Variants in ACY3 observed in about 807,000 individuals in gnomAD.
The protein encoded by ACY3 is N-acyl-aromatic-L-amino acid amidohydrolase (carboxylate-forming).
ACY3 carries 20 observed loss-of-function variants against 24.6 expected under a neutral mutation model. The observed-to-expected ratio is 0.81, with a 90% CI of 0.57 to 1.18. ACY3 has a LOEUF of 1.18. Among genes scored for constraint, ACY3 ranks in the 50% most tolerant of loss-of-function variants. The pLI is 0.00. For missense variants in ACY3, 423 were observed against 426.8 expected (o/e 0.99, Z 0.08); for synonymous variants, 174 against 188.4 (o/e 0.92, Z 0.62).
At chr11:67,648,610 C>T (rs539633990) in intron 1 of ACY3, among the ~76,000 whole-genome samples, 24 of 152,240 alleles carry the variant, frequency 1.6e-4, no homozygotes, top group African/African-American at 5.8e-4. Flanking sequence ...CCTTCTTTAC[C>T]ACCACACTGG....
rs1205854225 is a variant in ACY3 at position 67,645,153 on chromosome 11, C to T, written c.527-1G>A. The T allele has an allele frequency of 6.2e-7, 1 of 1,611,338 alleles. No individual in the cohort carries two copies. Among genetic ancestry groups the T allele is most frequent in the Admixed American group, 1.7e-5 (1 of 59,714 alleles). The stretch of plus-strand genomic sequence containing the variant: ...TGTGGCTGGGGGCCCAGCTCCAGAC[C>T]TGGGGACCAGGAAGCAAGGGGTTAG... On this transcript the variant is annotated splice_acceptor_variant, in intron 5 of 7. Transcript: ENST00000255082. LOFTEE classifies it high-confidence loss of function.
At chr11:67,649,910 G>A (rs549048904) in intron 1 of ACY3, among the ~76,000 whole-genome samples, 8 of 148,948 alleles carry the variant, frequency 5.4e-5, no homozygotes, top group East Asian at 3.9e-4. Context: ...GCGTGTGTGC[G>A]TGCATGTGCG....
intron 1 of ACY3, among the ~76,000 whole-genome samples, chr11:67,648,433 A>T (rs1002934346): frequency 1.3e-5 from 2 of 152,120 alleles, no homozygotes; most frequent in African/African-American, 4.8e-5. Flanking sequence ...GGTCCCCTGC[A>T]CTCAGCCCTG....
chr11:67,643,003 G>A, intron 7 of ACY3, 64 bp from the exon 8 acceptor site: 5 of 1,488,288 alleles, frequency 3.4e-6, no homozygotes, highest in Non-Finnish European at 4.6e-6. Flanking sequence ...AGAGGGGGGT[G>A]ACCCCAGCTT....
intron 7 of ACY3, among the ~76,000 whole-genome samples, chr11:67,643,889 G>A (rs1478395301): frequency 6.6e-6 from 1 of 151,960 alleles, no homozygotes; most frequent in Non-Finnish European, 1.5e-5. Context: ...CAGCTACTGG[G>A]GAGGCTGAGT....
chr11:67,643,107 G>A (rs1174897936), intron 7 of ACY3, among the ~76,000 whole-genome samples, 168 bp from the exon 8 acceptor site: 1 of 152,256 alleles, frequency 6.6e-6, no homozygotes, highest in Non-Finnish European at 1.5e-5. Flanking sequence ...ATACCAGTCT[G>A]CTCTGTGTCT....
At position 67,644,879 on chromosome 11, in the gene ACY3, A is replaced by G; in HGVS notation, c.635-10T>C. ...GCAGGAAAGGCCGTACCTGTGTGGG[A>G]GGCTGGGTGTGTGAGCCCATCCCTC... On this transcript the variant is annotated splice_polypyrimidine_tract_variant and intron_variant, in intron 6 of 7. Coordinates refer to ENST00000255082, the MANE Select transcript of ACY3 (RefSeq NM_080658.2). The G allele has an allele frequency of 6.2e-7, 1 of 1,609,208 alleles. No homozygotes were observed. Among genetic ancestry groups the G allele is most frequent in the Middle Eastern group, 1.7e-4 (1 of 5,914 alleles).
At chr11:67,649,480 C>T (rs1387577608) in intron 1 of ACY3, among the ~76,000 whole-genome samples, 2 of 152,222 alleles carry the variant, frequency 1.3e-5, no homozygotes, top group South Asian at 2.1e-4. Context: ...TGGAACAGAA[C>T]GGGGTCCAGG....
At position 67,643,706 on chromosome 11, in the gene ACY3, T is replaced by C. The variant is rs142687490; in HGVS notation, c.745-767A>G. Reference sequence around the variant, plus strand: ...TAAATAAATAAATAAATTTTAAGCCTGGGCACAGTGGCTCATAATCTCAGT... The same window carrying C: ...TAAATAAATAAATAAATTTTAAGCCCGGGCACAGTGGCTCATAATCTCAGT... On this transcript the variant is annotated intron_variant, in intron 7 of 7. Coordinates refer to ENST00000255082, the MANE Select transcript of ACY3 (RefSeq NM_080658.2). Among the ~76,000 whole-genome samples, 68 of 151,098 alleles carry C rather than the reference T, an allele frequency of 4.5e-4. 1 individual carries two copies. The East Asian group carries it at 0.013, about 29-fold the overall frequency.
intron 7 of ACY3, 28 bp downstream of exon 7, chr11:67,644,732 C>CACA: frequency 7.6e-7 from 1 of 1,317,236 alleles, no homozygotes; most frequent in Non-Finnish European, 1.0e-6. Flanking sequence ...TCACCCCCCA[C>CACA]CACACACACA....
At chr11:67,647,981 C>T (rs1855550176) in intron 1 of ACY3, among the ~76,000 whole-genome samples, 1 of 152,212 alleles carries the variant, frequency 6.6e-6, no homozygotes, top group African/African-American at 2.4e-5. Flanking sequence ...ATGCCTCTGT[C>T]CTTGCAGCCC....
At chr11:67,646,059 G>A (rs1855512138) in intron 3 of ACY3, among the ~76,000 whole-genome samples, 172 bp from the exon 4 acceptor site, 1 of 152,206 alleles carries the variant, frequency 6.6e-6, no homozygotes, top group Admixed American at 6.5e-5. Flanking sequence ...TCTTGGCTCT[G>A]CACTTCCCGG....
At chr11:67,648,995 G>A (rs1032435197) in intron 1 of ACY3, among the ~76,000 whole-genome samples, 1 of 152,080 alleles carries the variant, frequency 6.6e-6, no homozygotes, top group Non-Finnish European at 1.5e-5. Flanking sequence ...GCCATTAGGG[G>A]GCCATGCCAT....
At position 67,644,867 on chromosome 11, in the gene ACY3, T is replaced by C; in HGVS notation, c.637A>G (p.Thr213Ala). Residue 213 changes from threonine to alanine, a missense_variant and splice_region_variant, in exon 7 of 8, where the codon ACG becomes GCG. By Grantham distance (58) the Thr-to-Ala change is moderately conservative. Transcript: ENST00000255082. ...LDFIELFNQG[T>A]AFPAFEMEAY... is the part of the protein sequence containing the mutation. ...TCCATCTCAAAGGCAGGAAAGGCCGTACCTGTGTGGGAGGCTGGGTGTGTG... is the reference window on the plus strand; with the variant it reads ...TCCATCTCAAAGGCAGGAAAGGCCGCACCTGTGTGGGAGGCTGGGTGTGTG... 1.9e-6 allele frequency: 3 copies of C among 1,606,708 alleles called. No homozygotes were observed. The highest frequency in any genetic ancestry group is 1.7e-6 in the Non-Finnish European group (2 of 1,176,838).
intron 6 of ACY3, 40 bp downstream of exon 6, chr11:67,645,005 T>C (rs1484564145): frequency 1.3e-5 from 21 of 1,606,808 alleles, no homozygotes; most frequent in Non-Finnish European, 1.5e-5. Flanking sequence ...AGACCTGCTC[T>C]TCCCCGGACC....
At chr11:67,647,190 C>G in intron 2 of ACY3, 127 bp from the exon 3 acceptor site, 2 of 642,232 alleles carry the variant, frequency 3.1e-6, no homozygotes, top group Non-Finnish European at 5.1e-6. Context: ...GGGAGTGTCT[C>G]AGCTGTGTCC....
intron 3 of ACY3, 91 bp downstream of exon 3, chr11:67,646,717 A>T (rs1855522423): frequency 1.6e-6 from 2 of 1,224,482 alleles, no homozygotes; most frequent in Non-Finnish European, 2.4e-6. Flanking sequence ...GAGTGAAGGC[A>T]GGGAGGGCCC....
intron 1 of ACY3, among the ~76,000 whole-genome samples, chr11:67,648,016 G>A (rs1855550746): frequency 6.6e-6 from 1 of 152,218 alleles, no homozygotes; most frequent in Non-Finnish European, 1.5e-5. Context: ...TCACTCCTGA[G>A]TCGCCCTTAC....
chr11:67,649,837 C>T (rs1855592205), intron 1 of ACY3, among the ~76,000 whole-genome samples: 1 of 145,830 alleles, frequency 6.9e-6, no homozygotes, highest in South Asian at 2.2e-4. Context: ...TGTGTGTGTA[C>T]ATGTGTGCGT....
Sources: gnomAD v4.1 joint callset for allele counts (sites outside exome capture counted in the v4.1 genomes callset) on GRCh38, gnomAD v4.1.1 for gene constraint, MANE v1.5 for transcripts, NCBI Gene and HGNC (gene_info 2026-07-23, HGNC 2026-07-21) for gene names.